NSMCE4A: variants seen among roughly 807,000 people sequenced by gnomAD.
The protein encoded by NSMCE4A is non-structural maintenance of chromosomes element 4 homolog A.
A neutral mutation model predicts 47.9 loss-of-function variants in NSMCE4A; 40 were observed. That is an observed-to-expected ratio of 0.83 (90% confidence interval 0.65 to 1.09). The LOEUF is 1.09. Ranked by LOEUF, NSMCE4A falls within the 50% of genes least tolerant of loss-of-function variation. The pLI is 0.00. For synonymous variants in NSMCE4A, 166 were observed against 178.5 expected (o/e 0.93, Z 0.56); for missense variants, 500 against 507.0 (o/e 0.99, Z 0.13).
Position 121,973,615 on chromosome 10 carries a change from C to T in NSMCE4A, c.370+389G>A, listed in dbSNP as rs1952759959. ...TAGCAGGGAGCTGAGGAAGGCAAAACAGAATGGGACAGGAAAAGAAACAGG... is the reference window on the plus strand; with the variant it reads ...TAGCAGGGAGCTGAGGAAGGCAAAATAGAATGGGACAGGAAAAGAAACAGG... On this transcript the variant is annotated intron_variant, in intron 2 of 10. Transcript: ENST00000369023. Among the ~76,000 whole-genome samples, 3 of 152,278 alleles carry T rather than the reference C, an allele frequency of 2.0e-5. No homozygotes were observed. In the South Asian group the frequency reaches 6.2e-4, roughly 32 times the overall value.
At chr10:121,971,592 G>C (rs991077859) in intron 2 of NSMCE4A, among the ~76,000 whole-genome samples, 1 of 152,126 alleles carries the variant, frequency 6.6e-6, no homozygotes, top group African/African-American at 2.4e-5. Flanking sequence ...CTTCCTAAAA[G>C]CCAGCTTTCT....
At chr10:121,969,713 A>T (rs1952671656) in intron 3 of NSMCE4A, among the ~76,000 whole-genome samples, 1 of 152,112 alleles carries the variant, frequency 6.6e-6, no homozygotes, top group Non-Finnish European at 1.5e-5. Context: ...TGACAGATTG[A>T]CTGATTGATT....
chr10:121,960,301 TCTA>T lies in NSMCE4A; in HGVS notation c.988+54_988+56del. 1 of 1,114,976 alleles carries T rather than the reference TCTA, an allele frequency of 9.0e-7. No individual in the cohort carries two copies. Among genetic ancestry groups the T allele is most frequent in the Non-Finnish European group, 1.2e-6 (1 of 814,308 alleles). 69.1% of individuals were successfully genotyped at this position (1,114,976 alleles called of 1,614,324 possible). ...TTTACATTTAGTAAAATACTTAAAT[TCTA>T]CTAACAAATATATTTTCTCTAAAAC... On this transcript the variant is annotated intron_variant, in intron 8 of 10. Transcript: ENST00000369023. The surrounding 1 kb of genome is among the most constrained non-coding windows in gnomAD (Gnocchi z 4.2).
chr10:121,964,835 C>G (rs978350702), intron 5 of NSMCE4A, among the ~76,000 whole-genome samples: 1 of 152,254 alleles, frequency 6.6e-6, no homozygotes. Flanking sequence ...TACAAAAGGG[C>G]GGTTTAGAAA....
At chr10:121,974,171 G>A (rs1952771224) in intron 1 of NSMCE4A, 90 bp from the exon 2 acceptor site, 1 of 1,354,350 alleles carries the variant, frequency 7.4e-7, no homozygotes, top group Non-Finnish European at 1.0e-6. Flanking sequence ...GTAAAGCCAA[G>A]CCCCGGCCCC....
intron 3 of NSMCE4A, among the ~76,000 whole-genome samples, chr10:121,970,249 G>A (rs191837662): frequency 8.4e-4 from 128 of 151,902 alleles, no homozygotes; most frequent in African/African-American, 2.7e-3. Context: ...AAGGCGGGCA[G>A]ATCACGAGAT....
In NSMCE4A at chr10:121,959,512, G is replaced by A. The variant is rs144605294; in HGVS notation, c.1072C>T (p.Arg358Cys). ...RNQGIIALSY[R>C]DWEEIVKTFE... is the part of the protein sequence containing the mutation. Reference sequence around the variant, plus strand: ...AGGCAGAGCTTTACCTCCCAGTCACGGTAACTCAAAGCTATAATTCCTTGA... The same window carrying A: ...AGGCAGAGCTTTACCTCCCAGTCACAGTAACTCAAAGCTATAATTCCTTGA... Residue 358 changes from arginine (R) to cysteine (C), a missense_variant, in exon 9 of 11, where the codon CGT becomes TGT. Arg to Cys is a radical substitution (Grantham distance 180). Transcript: ENST00000369023. 6.9e-5 allele frequency: 111 copies of A among 1,613,752 alleles called. No homozygotes were observed. The highest frequency in any genetic ancestry group is 8.9e-5 in the Non-Finnish European group (105 of 1,179,828).
intron 5 of NSMCE4A, among the ~76,000 whole-genome samples, chr10:121,965,043 T>C (rs1180122234): frequency 3.9e-5 from 6 of 152,142 alleles, no homozygotes; most frequent in Non-Finnish European, 5.9e-5. Flanking sequence ...GCCGTAAATG[T>C]TGACAGTGCT....
In NSMCE4A at chr10:121,968,348, A is replaced by G. The variant is rs1952645005; in HGVS notation, c.502-542T>C. ...CCCCCTGGGATTTTTTGTATCACCA[A>G]TAGTTCGTGTATTAGTAAAGCTGCA... On this transcript the variant is annotated intron_variant, in intron 3 of 10. Transcript: ENST00000369023. 3.9e-5 allele frequency among the ~76,000 whole-genome samples: 6 copies of G among 152,344 alleles called. No individual in the cohort carries two copies. In the South Asian group the frequency reaches 1.2e-3, roughly 32 times the overall value.
Position 121,967,684 on chromosome 10 carries a change from G to A in NSMCE4A, c.624C>T (p.Thr208=). ...AGTGGAATGTATGGGTTTTATTAAAGGTGTTTTCTGCTGTTCTGCCTGTTA... is the reference window on the plus strand; with the variant it reads ...AGTGGAATGTATGGGTTTTATTAAAAGTGTTTTCTGCTGTTCTGCCTGTTA... The part of the protein sequence containing the change: ...WKITGRTAEN[T]FNKTHTFHFL... Residue 208 remains threonine, a synonymous_variant, in exon 4 of 11, where the codon ACC becomes ACT. Transcript: ENST00000369023. The A allele has an allele frequency of 6.2e-7, 1 of 1,612,330 alleles. No individual in the cohort carries two copies. Among genetic ancestry groups the A allele is most frequent in the East Asian group, 2.2e-5 (1 of 44,868 alleles).
chr10:121,968,130 G>T (rs1952641904), intron 3 of NSMCE4A, among the ~76,000 whole-genome samples: 1 of 152,154 alleles, frequency 6.6e-6, no homozygotes, highest in Admixed American at 6.6e-5. Context: ...ACATTTGTGG[G>T]TGTCACAACT....
At chr10:121,967,593 C>A (rs992006799) in intron 4 of NSMCE4A, 62 bp downstream of exon 4, 10 of 1,527,096 alleles carry the variant, frequency 6.5e-6, no homozygotes, top group Non-Finnish European at 8.9e-6. Flanking sequence ...TTTGTCCCTA[C>A]AAGAAAAAGC....
intron 3 of NSMCE4A, among the ~76,000 whole-genome samples, chr10:121,968,774 T>A (rs538389900): frequency 3.3e-5 from 5 of 152,162 alleles, no homozygotes; most frequent in Admixed American, 2.6e-4. Flanking sequence ...AATCAGACTT[T>A]AAAGAAAAGA....
At position 121,961,406 on chromosome 10, in the gene NSMCE4A, A is replaced by G. The variant is rs1212830958; in HGVS notation, c.939+17T>C. 11 of 1,517,994 alleles carry G rather than the reference A, an allele frequency of 7.2e-6. No homozygotes were observed. The highest frequency in any genetic ancestry group is 2.3e-5 in the Admixed American group (1 of 42,968). 94.0% of individuals were successfully genotyped at this position (1,517,994 alleles called of 1,614,324 possible). A position where few individuals can be genotyped will look rare whatever the true frequency, so the allele number is the denominator to read the frequency against. On this transcript the variant is annotated intron_variant, in intron 7 of 10. Transcript: ENST00000369023. Reference sequence around the variant, plus strand: ...AAAGCATATAAAAGCAATTAGAAAAATAATCTTTAATCTTACCCGTATAAT... The same window carrying G: ...AAAGCATATAAAAGCAATTAGAAAAGTAATCTTTAATCTTACCCGTATAAT...
At chr10:121,958,229 C>CA (rs1296590746) in intron 10 of NSMCE4A, among the ~76,000 whole-genome samples, 27 of 148,768 alleles carry the variant, frequency 1.8e-4, no homozygotes, top group Admixed American at 1.2e-3. Flanking sequence ...GACTCTGTCT[C>CA]AAAAAAAAAG....
At chr10:121,964,097 A>AAAAAAAAC (rs1324691911) in intron 5 of NSMCE4A, among the ~76,000 whole-genome samples, 1 of 150,812 alleles carries the variant, frequency 6.6e-6, no homozygotes, top group South Asian at 2.1e-4. Flanking sequence ...CTCTGTCTCA[A>AAAAAAAAC]AAAAAATTAT....
intron 2 of NSMCE4A, among the ~76,000 whole-genome samples, chr10:121,973,692 T>G (rs1952761699): frequency 6.6e-6 from 1 of 152,164 alleles, no homozygotes; most frequent in African/African-American, 2.4e-5. Context: ...CAATGTATAC[T>G]AGGGATACGG....
At chr10:121,963,836 C>T (rs1429269863) in intron 5 of NSMCE4A, among the ~76,000 whole-genome samples, 4 of 151,828 alleles carry the variant, frequency 2.6e-5, no homozygotes, top group South Asian at 2.1e-4. Flanking sequence ...GCCGACATCG[C>T]GCCTGTAATC....
intron 2 of NSMCE4A, among the ~76,000 whole-genome samples, chr10:121,971,634 A>G (rs530912214): frequency 6.6e-6 from 1 of 152,304 alleles, no homozygotes; most frequent in African/African-American, 2.4e-5. Context: ...CTGAATCACA[A>G]TCTCTTAAAT....
Sources: allele counts gnomAD v4.1 joint callset (sites outside exome capture counted in the v4.1 genomes callset), GRCh38; gene constraint gnomAD v4.1.1; non-coding constraint Gnocchi (gnomAD v3.1); transcripts MANE v1.5; gene names NCBI Gene and HGNC (gene_info 2026-07-23, HGNC 2026-07-21).